The following UGT2B7 variants were observed in gnomAD, a reference collection of about 807,000 sequenced individuals.
UGT2B7 encodes the protein UDP-glucuronosyltransferase 2B7.
UGT2B7 carries 51 observed loss-of-function variants against 51.9 expected under a neutral mutation model. That is an observed-to-expected ratio of 0.98 (90% CI 0.78 to 1.24). The LOEUF (loss-of-function observed/expected upper bound fraction) is 1.24, where lower values mean the gene tolerates loss of function less well. UGT2B7 is among the 50% of genes most tolerant of loss of function. The pLI, the probability that UGT2B7 is intolerant of heterozygous loss-of-function variation, is 0.00. For missense variants in UGT2B7, 727 were observed against 628.4 expected (o/e 1.16, Z -1.68); for synonymous variants, 225 against 211.6 (o/e 1.06, Z -0.55).
intron 1 of UGT2B7, among the ~76,000 whole-genome samples, chr4:69,071,662 G>A (rs1718604148): frequency 6.6e-6 from 1 of 151,990 alleles, no homozygotes; most frequent in Admixed American, 6.6e-5. Context: ...AGAAAATATT[G>A]TAGCAATAAT....
At chr4:69,069,463 A>T (rs758791806) in intron 1 of UGT2B7, among the ~76,000 whole-genome samples, 16 of 152,066 alleles carry the variant, frequency 1.1e-4, no homozygotes, top group Admixed American at 2.0e-4. Context: ...TTGAAATCTT[A>T]TGCATGAAAC....
chr4:69,067,852 A>G lies in UGT2B7; in HGVS notation c.-159+16250A>G, dbSNP rs536151787. ...AGTGCATAAGTTCTAAAATAGCCAA[A>G]AAGTAAAATAAGAGGAATTACTAAA... On this transcript the variant is annotated intron_variant, in intron 1 of 5. Transcript: ENST00000502942. Among the ~76,000 whole-genome samples, 10 of 152,258 alleles carry G rather than the reference A, an allele frequency of 6.6e-5. 1 individual carries two copies. In the South Asian group the frequency reaches 2.1e-3, roughly 32 times the overall value.
chr4:69,102,738 C>CACCAAA, intron 2 of UGT2B7, 69 bp from the exon 3 acceptor site: 1 of 1,562,406 alleles, frequency 6.4e-7, no homozygotes, highest in Non-Finnish European at 8.6e-7. Flanking sequence ...TAGTAATTTG[C>CACCAAA]ACCAATTCTT....
chr4:69,056,298 C>G (rs1038950868), intron 1 of UGT2B7, among the ~76,000 whole-genome samples: 2 of 152,134 alleles, frequency 1.3e-5, no homozygotes, highest in Non-Finnish European at 2.9e-5. Flanking sequence ...AATGCTCAAC[C>G]GAATCATACG....
At chr4:69,090,280 A>G (rs906829380) in intron 2 of UGT2B7, among the ~76,000 whole-genome samples, 1 of 152,138 alleles carries the variant, frequency 6.6e-6, no homozygotes, top group Non-Finnish European at 1.5e-5. Context: ...CAATAAAAGC[A>G]TGTATGCTAA....
chr4:69,092,698 T>G (rs1719111093), upstream of UGT2B7, among the ~76,000 whole-genome samples: 1 of 152,108 alleles, frequency 6.6e-6, no homozygotes, highest in South Asian at 2.1e-4. Context: ...AGTGAGGCAT[T>G]AGATAAGTGT....
chr4:69,060,021 G>A (rs1718308535), intron 1 of UGT2B7, among the ~76,000 whole-genome samples: 1 of 152,162 alleles, frequency 6.6e-6, no homozygotes, highest in South Asian at 2.1e-4. Flanking sequence ...ACTCCCACAA[G>A]GATTTAAAAA....
intron 1 of UGT2B7, among the ~76,000 whole-genome samples, chr4:69,084,330 T>TTCTCTCTCTCTCTC (rs71204073): frequency 0.56 from 82,768 of 148,018 alleles, 23,762 homozygotes; most frequent in East Asian, 0.69. Context: ...TCTATAAATT[T>TTCTCTCTCTCTCTC]TCTCTCTCTC....
At chr4:69,075,410 T>A (rs1349966823) in intron 1 of UGT2B7, among the ~76,000 whole-genome samples, 1 of 151,946 alleles carries the variant, frequency 6.6e-6, no homozygotes, top group African/African-American at 2.4e-5. Flanking sequence ...TCTCTCCTTC[T>A]CCCTCTTTCC....
In UGT2B7 at chr4:69,103,038, C is replaced by A. The variant is rs1577924635; in HGVS notation, c.1002+100C>A. 4.0e-6 allele frequency: 6 copies of A among 1,516,836 alleles called. No individual in the cohort carries two copies. The highest frequency in any genetic ancestry group is 4.8e-5 in the East Asian group (2 of 41,730). 94.0% of individuals were successfully genotyped at this position (1,516,836 alleles called of 1,614,324 possible). ...AAACTTCTGATAAATGTGAAGTTGA[C>A]CAAAAGTTGAAAAATTAGAACAAGG... On this transcript the variant is annotated intron_variant, in intron 3 of 5. Coordinates refer to ENST00000305231, the MANE Select transcript of UGT2B7 (RefSeq NM_001074.4).
At chr4:69,052,270 C>T (rs981438717) in intron 1 of UGT2B7, among the ~76,000 whole-genome samples, 22 of 151,890 alleles carry the variant, frequency 1.4e-4, no homozygotes, top group African/African-American at 5.3e-4. Flanking sequence ...TAGACCCCTT[C>T]CCCCCCAACA....
At chr4:69,094,291 T>C (rs1169576234), upstream of UGT2B7, among the ~76,000 whole-genome samples, 24 of 78,118 alleles carry the variant, frequency 3.1e-4, no homozygotes, top group African/African-American at 5.3e-4. Context: ...AGGCGCCCGC[T>C]ACCACGCCCG....
intron 1 of UGT2B7, among the ~76,000 whole-genome samples, chr4:69,056,674 C>A (rs1718210058): frequency 6.6e-6 from 1 of 151,880 alleles, no homozygotes; most frequent in Non-Finnish European, 1.5e-5. Flanking sequence ...CTTACCGCTC[C>A]TTTGTTTCCT....
chr4:69,059,694 T>G (rs546114301), intron 1 of UGT2B7, among the ~76,000 whole-genome samples: 25 of 152,218 alleles, frequency 1.6e-4, no homozygotes, highest in Middle Eastern at 3.4e-3. Flanking sequence ...ATACTGGGTG[T>G]CCGCAAATAT....
intron 1 of UGT2B7, among the ~76,000 whole-genome samples, chr4:69,074,960 T>G (rs1718672091): frequency 6.6e-6 from 1 of 152,146 alleles, no homozygotes; most frequent in Admixed American, 6.5e-5. Flanking sequence ...CTCACTATAC[T>G]ATGTTGTTTA....
chr4:69,068,377 T>G (rs1560500802), intron 1 of UGT2B7, among the ~76,000 whole-genome samples: 1 of 152,006 alleles, frequency 6.6e-6, no homozygotes, highest in African/African-American at 2.4e-5. Context: ...TTTGCTTATT[T>G]TGAAGAATTA....
intron 1 of UGT2B7, among the ~76,000 whole-genome samples, chr4:69,061,466 C>T (rs937138417): frequency 6.6e-6 from 1 of 152,190 alleles, no homozygotes; most frequent in Non-Finnish European, 1.5e-5. Context: ...AAGAAGAAGC[C>T]TTAGCTATGC....
chr4:69,104,591 T>C (rs1719537044), intron 3 of UGT2B7, among the ~76,000 whole-genome samples: 1 of 152,090 alleles, frequency 6.6e-6, no homozygotes, highest in African/African-American at 2.4e-5. Context: ...ATACAGAGGG[T>C]GTTTTTCATT....
Position 69,060,094 on chromosome 4 carries a change from G to A in UGT2B7, c.-159+8492G>A, listed in dbSNP as rs184178060. Among the ~76,000 whole-genome samples, 180 of 152,314 alleles carry A rather than the reference G, an allele frequency of 1.2e-3. 4 individuals are homozygous for A. The highest frequency in any genetic ancestry group is 0.011 in the Admixed American group (176 of 15,308). On this transcript the variant is annotated intron_variant, in intron 1 of 5. Coordinates refer to the UGT2B7 transcript ENST00000502942. ...CTTAAAGCATACACCCCACCAAACA[G>A]TGACTGTGTCTTGCTCCAGTACATT...
Sources: gnomAD v4.1 joint callset for allele counts (sites outside exome capture counted in the v4.1 genomes callset) on GRCh38, gnomAD v4.1.1 for gene constraint, MANE v1.5 for transcripts, NCBI Gene and HGNC (gene_info 2026-07-23, HGNC 2026-07-21) for gene names.